NTM: variants seen among roughly 807,000 people sequenced by gnomAD.
NTM encodes the protein IgLON family member 2.
A neutral mutation model predicts 42.1 loss-of-function variants in NTM; 13 were observed. The observed-to-expected ratio is 0.31, with a 90% CI of 0.20 to 0.49. NTM has a LOEUF of 0.49. Ranked by LOEUF, NTM falls within the 20% of genes least tolerant of loss-of-function variation. The pLI is 0.99. For synonymous variants in NTM, 187 were observed against 179.2 expected (o/e 1.04, Z -0.35); for missense variants, 373 against 452.8 (o/e 0.82, Z 1.60).
At chr11:131,582,507 A>G (rs1429592605) in intron 1 of NTM, 2 of 152,196 alleles carry the variant, frequency 1.3e-5, no homozygotes, top group Non-Finnish European at 2.9e-5. Context: ...CCTGCATTTT[A>G]AATCCAAGAC....
At chr11:131,934,548 T>C (rs1484360441) in intron 2 of NTM, among the ~76,000 whole-genome samples, 4 of 152,222 alleles carry the variant, frequency 2.6e-5, no homozygotes, top group Non-Finnish European at 4.4e-5. Flanking sequence ...AGACATGATG[T>C]ATTCTTGGAG....
chr11:131,545,935 C>T (rs1284301788), intron 1 of NTM, among the ~76,000 whole-genome samples: 2 of 152,172 alleles, frequency 1.3e-5, no homozygotes, highest in African/African-American at 2.4e-5. Flanking sequence ...CAGGGAATAA[C>T]TGCTGACTTT....
chr11:132,193,226 C>T lies in NTM; in HGVS notation c.401-18796C>T, dbSNP rs117683367. Among the ~76,000 whole-genome samples the T allele has an allele frequency of 4.6e-5, 7 of 152,248 alleles. No individual in the cohort carries two copies. The East Asian group carries it at 1.2e-3, about 25-fold the overall frequency. ...ACTTTCTTCTTATCTGTATATGGCA[C>T]ATACTCTAAGATCAACCACACACTA... On this transcript the variant is annotated intron_variant, in intron 3 of 8. Transcript: ENST00000683400.
chr11:132,219,473 G>T (rs2084651265), intron 4 of NTM, among the ~76,000 whole-genome samples: 1 of 151,890 alleles, frequency 6.6e-6, no homozygotes. Flanking sequence ...GTAGTTTTCA[G>T]TCCCTTTCTA....
chr11:131,681,555 A>G (rs1209028130), intron 1 of NTM, among the ~76,000 whole-genome samples: 110 of 11,444 alleles, frequency 9.6e-3, no homozygotes, highest in East Asian at 0.033. Context: ...GAGCGTGTGT[A>G]TTTCTGTGTC....
intron 2 of NTM, among the ~76,000 whole-genome samples, chr11:132,043,958 ATGTGTGTGTGTG>A (rs71067353): frequency 0.033 from 4,790 of 146,360 alleles, 123 homozygotes; most frequent in South Asian, 0.15. Context: ...GACACCAACT[ATGTGTGTGTGTG>A]TGTGTGTGTG....
intron 1 of NTM, chr11:131,910,849 A>G: frequency 7.1e-6 from 7 of 984,692 alleles, no homozygotes; most frequent in Non-Finnish European, 8.4e-6. Context: ...GCTCCGAGGA[A>G]GTTGACCGAG....
chr11:131,525,889 G>GA (rs2050410031), intron 1 of NTM, among the ~76,000 whole-genome samples: 1 of 152,074 alleles, frequency 6.6e-6, no homozygotes, highest in East Asian at 1.9e-4. Context: ...ACTTTGCCTG[G>GA]AAAGAAATGC....
At chr11:132,166,842 T>C (rs2075354320) in intron 3 of NTM, among the ~76,000 whole-genome samples, 2 of 152,322 alleles carry the variant, frequency 1.3e-5, no homozygotes, top group East Asian at 1.9e-4. Context: ...ACTTTCTGGA[T>C]CCTGCCTGCC....
chr11:131,776,745 G>C (rs890688127), intron 1 of NTM, among the ~76,000 whole-genome samples: 1 of 152,176 alleles, frequency 6.6e-6, no homozygotes, highest in Non-Finnish European at 1.5e-5. Flanking sequence ...CCTGGAGCAA[G>C]AAAAGATAGA....
chr11:131,479,569 C>A, intron 1 of NTM, among the ~76,000 whole-genome samples: 1 of 152,122 alleles, frequency 6.6e-6, no homozygotes, highest in Admixed American at 6.5e-5. Context: ...ACCTTGGGCC[C>A]TAGAGAGCAC....
chr11:132,081,606 C>T (rs1052508993), intron 2 of NTM, among the ~76,000 whole-genome samples: 5 of 152,030 alleles, frequency 3.3e-5, no homozygotes, highest in Admixed American at 3.3e-4. Flanking sequence ...GTGGCGGGCA[C>T]CTGTAGTCCC....
chr11:131,659,335 G>T (rs1232242543), intron 1 of NTM, among the ~76,000 whole-genome samples: 1 of 152,312 alleles, frequency 6.6e-6, no homozygotes, highest in Admixed American at 6.5e-5. Context: ...ATCCTAGTGT[G>T]CAGGGTGCTT....
rs117434706 is a variant in NTM at position 132,236,963 on chromosome 11, G to A, written c.526+24816G>A. On this transcript the variant is annotated intron_variant, in intron 4 of 8. Transcript: ENST00000683400. Reference sequence around the variant, plus strand: ...GGGGAGACCAGGGGCCCAGATCCCCGGGCCCAGCTGTCAGAGTCTGGAAGT... The same window carrying A: ...GGGGAGACCAGGGGCCCAGATCCCCAGGCCCAGCTGTCAGAGTCTGGAAGT... 1.6e-3 allele frequency among the ~76,000 whole-genome samples: 247 copies of A among 152,212 alleles called. 1 individual carries two copies. The East Asian group carries it at 0.021, about 13-fold the overall frequency.
chr11:131,886,063 C>T (rs1359999713), intron 1 of NTM, among the ~76,000 whole-genome samples: 3 of 152,172 alleles, frequency 2.0e-5, no homozygotes, highest in African/African-American at 7.2e-5. Context: ...CCTCTCTTCC[C>T]CACCAGCCCT....
chr11:132,285,492 T>C (rs1326670639), intron 4 of NTM, among the ~76,000 whole-genome samples: 2 of 152,152 alleles, frequency 1.3e-5, no homozygotes, highest in Admixed American at 1.3e-4. Flanking sequence ...CTACTCTCAC[T>C]GTCACAGCCA....
chr11:132,272,635 C>T (rs191183779), intron 4 of NTM, among the ~76,000 whole-genome samples: 17 of 152,064 alleles, frequency 1.1e-4, no homozygotes, highest in Middle Eastern at 3.4e-3. Context: ...TTTGATACTA[C>T]GGTAAAAAGA....
intron 1 of NTM, among the ~76,000 whole-genome samples, chr11:131,539,887 A>G (rs371784362): frequency 1.3e-5 from 2 of 152,136 alleles, no homozygotes; most frequent in African/African-American, 2.4e-5. Context: ...CCTCATCTCC[A>G]TGGGAAAAAC....
intron 2 of NTM, among the ~76,000 whole-genome samples, chr11:131,995,804 A>G (rs974341897): frequency 1.3e-5 from 2 of 152,096 alleles, no homozygotes; most frequent in East Asian, 1.9e-4. Flanking sequence ...TCTTTCCCCA[A>G]TCAACTAAAA....
Sources: allele counts gnomAD v4.1 joint callset (sites outside exome capture counted in the v4.1 genomes callset), GRCh38; gene constraint gnomAD v4.1.1; transcripts MANE v1.5; gene names NCBI Gene and HGNC (gene_info 2026-07-23, HGNC 2026-07-21).